The following WDR36 variants were observed in gnomAD, a reference collection of about 807,000 sequenced individuals.
WDR36 encodes the protein WD repeat domain 36.
In WDR36, 63 loss-of-function variants were observed where a neutral mutation model predicts 112.7. The ratio of observed to expected loss-of-function variants is 0.56; its 90% CI spans 0.46 to 0.69. The LOEUF is 0.69. Among genes scored for constraint, WDR36 ranks in the 30% least tolerant of loss-of-function variants. The pLI is 0.00. For synonymous variants in WDR36, 410 were observed against 362.2 expected (o/e 1.13, Z -1.50); for missense variants, 1,226 against 1,070.3 (o/e 1.15, Z -2.03).
intron 10 of WDR36, 52 bp downstream of exon 10, chr5:111,105,412 A>G (rs1753204587): frequency 1.3e-6 from 2 of 1,516,224 alleles, no homozygotes; most frequent in African/African-American, 1.4e-5. Context: ...ACATTTCAAC[A>G]TTCTATGAAA....
chr5:111,110,379 C>G, intron 13 of WDR36, 76 bp downstream of exon 13: 1 of 1,231,342 alleles, frequency 8.1e-7, no homozygotes, highest in Non-Finnish European at 1.2e-6. Flanking sequence ...TATGTATAAT[C>G]TTTAAGTGCT....
intron 2 of WDR36, chr5:111,095,264 A>T: frequency 3.6e-6 from 1 of 276,256 alleles, no homozygotes; most frequent in Non-Finnish European, 6.9e-6. Context: ...TTTCTTCAGG[A>T]TTAGATTTAG....
At chr5:111,120,676 T>C (rs764753167) in intron 18 of WDR36, 83 bp downstream of exon 18, 107 of 1,119,408 alleles carry the variant, frequency 9.6e-5, no homozygotes, top group Admixed American at 1.5e-4. Context: ...AGGCAAAGTT[T>C]AGTGCATTCA....
chr5:111,097,130 T>G lies in WDR36; in HGVS notation c.242T>G (p.Val81Gly), dbSNP rs1376955032. The change falls in exon 3 of 23, where the codon GTC becomes GGC. Residue 81 changes from valine (V) to glycine (G), a missense_variant. Physicochemically the swap from Val to Gly is moderately radical, Grantham distance 109 (BLOSUM62 -3). Coordinates refer to ENST00000513710, the MANE Select transcript of WDR36 (RefSeq NM_139281.3). ...ICCMAADGRL[V>G]FAAYGNVFSA... ...TGTATGGCAGCTGATGGCAGATTAG[T>G]CTTTGCTGCTTATGGAAATGTTTTC... 1 of 1,613,732 alleles carries G rather than the reference T, an allele frequency of 6.2e-7. No homozygotes were observed. The highest frequency in any genetic ancestry group is 1.3e-5 in the African/African-American group (1 of 74,928).
chr5:111,120,139 C>T (rs552213805), intron 17 of WDR36, among the ~76,000 whole-genome samples: 5 of 152,192 alleles, frequency 3.3e-5, no homozygotes, highest in East Asian at 3.9e-4. Context: ...TCAGCATATT[C>T]GCACTCTGAC....
chr5:111,112,029 G>A (rs1271700516), intron 15 of WDR36, among the ~76,000 whole-genome samples: 1 of 151,698 alleles, frequency 6.6e-6, no homozygotes, highest in East Asian at 1.9e-4. Flanking sequence ...CTTCAAAATT[G>A]AAGAAAAAAA....
intron 2 of WDR36, among the ~76,000 whole-genome samples, chr5:111,095,413 T>C (rs1414136125): frequency 6.6e-6 from 1 of 152,190 alleles, no homozygotes; most frequent in East Asian, 1.9e-4. Context: ...TAAGTATCTT[T>C]TGGTAGTATG....
Position 111,107,331 on chromosome 5 carries a change from T to G in WDR36, c.1218T>G (p.Ala406=), listed in dbSNP as rs775074297. ...ARESDWDGII[A]CHQGKLSCST... ...AAAGTGACTGGGATGGTATCATTGC[T>G]TGCCATCAAGGTAAGCTATCTTGCT... The change falls in exon 12 of 23, where the codon GCT becomes GCG. Residue 406 remains alanine, a synonymous_variant. Transcript: ENST00000513710. 1 of 1,610,552 alleles carries G rather than the reference T, an allele frequency of 6.2e-7. No individual in the cohort carries two copies. Among genetic ancestry groups the G allele is most frequent in the East Asian group, 2.2e-5 (1 of 44,744 alleles).
intron 13 of WDR36, 74 bp from the exon 14 acceptor site, chr5:111,110,714 A>G: frequency 1.4e-6 from 2 of 1,479,604 alleles, no homozygotes; most frequent in Non-Finnish European, 9.3e-7. Flanking sequence ...GAATGAAGGA[A>G]TCACTGTGTG....
At position 111,113,054 on chromosome 5, in the gene WDR36, T is replaced by TATATATATATATATATATATA. The variant is rs33919278; in HGVS notation, c.1717-20_1717-19insATATATATATATATATATATA. 2 of 251,220 alleles carry TATATATATATATATATATATA rather than the reference T, an allele frequency of 8.0e-6. No individual in the cohort carries two copies. The highest frequency in any genetic ancestry group is 4.3e-5 in the African/African-American group (1 of 23,080). 15.6% of individuals were successfully genotyped at this position (251,220 alleles called of 1,614,324 possible). ...ATAAATAATATATATATATATATAT[T>TATATATATATATATATATATA]TTTTTTTTTTAATTTAAAGGCTTTT... On this transcript the variant is annotated intron_variant, in intron 15 of 22. Transcript: ENST00000513710.
Position 111,092,430 on chromosome 5 carries a change from C to G in WDR36, c.-27C>G. The G allele has an allele frequency of 3.1e-6, 5 of 1,614,220 alleles. No individual in the cohort carries two copies. In the Middle Eastern group the frequency reaches 6.6e-4, roughly 213 times the overall value. ...TACGTGTTTTCCTTCAGGACCAGAGCTGAGAGGAGCTGGGATCGCGGCGGC... is the reference window on the plus strand; with the variant it reads ...TACGTGTTTTCCTTCAGGACCAGAGGTGAGAGGAGCTGGGATCGCGGCGGC... On this transcript the variant is annotated 5_prime_UTR_variant, in exon 1 of 23. Coordinates refer to ENST00000513710, the MANE Select transcript of WDR36 (RefSeq NM_139281.3).
chr5:111,113,278 C>G, intron 16 of WDR36, 125 bp downstream of exon 16: 1 of 486,518 alleles, frequency 2.1e-6, no homozygotes, highest in Non-Finnish European at 3.9e-6. Context: ...GGAGATTTTT[C>G]TGACATGACT....
At chr5:111,118,367 T>C (rs17132795) in intron 16 of WDR36, among the ~76,000 whole-genome samples, 5,668 of 152,268 alleles carry the variant, frequency 0.037, 343 homozygotes, top group African/African-American at 0.13. Context: ...CTGAGTCTTC[T>C]ACCTGGTTTG....
chr5:111,101,385 T>C (rs1209921883), intron 5 of WDR36, among the ~76,000 whole-genome samples: 1 of 151,948 alleles, frequency 6.6e-6, no homozygotes, highest in Non-Finnish European at 1.5e-5. Context: ...CTTCTGATTT[T>C]CCATACATGA....
In WDR36 at chr5:111,119,023, T is replaced by A; in HGVS notation, c.1807T>A (p.Cys603Ser). 1 of 1,613,236 alleles carries A rather than the reference T, an allele frequency of 6.2e-7. No individual in the cohort carries two copies. Among genetic ancestry groups the A allele is most frequent in the Non-Finnish European group, 8.5e-7 (1 of 1,179,266 alleles). ...WDLPSGCLIDCFLLDSAPLNV... is the reference protein window; with the variant it reads ...WDLPSGCLIDSFLLDSAPLNV... ...TAATTATTTCTGTAGCCTTATAGACTGCTTTTTGTTGGACTCGGCTCCTCT... is the reference window on the plus strand; with the variant it reads ...TAATTATTTCTGTAGCCTTATAGACAGCTTTTTGTTGGACTCGGCTCCTCT... Residue 603 changes from cysteine (C) to serine (S), a missense_variant, in exon 17 of 23, where the codon TGC becomes AGC. By Grantham distance (112) the Cys-to-Ser change is moderately radical (BLOSUM62 -1). Coordinates refer to ENST00000513710, the MANE Select transcript of WDR36 (RefSeq NM_139281.3).
intron 18 of WDR36, 33 bp downstream of exon 18, chr5:111,120,626 T>C (rs772235667): frequency 6.5e-7 from 1 of 1,540,828 alleles, no homozygotes; most frequent in East Asian, 2.3e-5. Flanking sequence ...ATTTTTGAGG[T>C]GTAATATTAT....
chr5:111,125,665 T>C lies in WDR36; in HGVS notation c.2408T>C (p.Leu803Pro), dbSNP rs764757036. Reference protein sequence around the residue: ...ESGPSGIETELRSLSPDCGGS... With the variant: ...ESGPSGIETEPRSLSPDCGGS... Reference sequence around the variant, plus strand: ...GGCCCATCAGGAATTGAAACAGAGCTGCGAAGCTTGTCTCCTGATTGTGGT... The same window carrying C: ...GGCCCATCAGGAATTGAAACAGAGCCGCGAAGCTTGTCTCCTGATTGTGGT... The change falls in exon 22 of 23, where the codon CTG (leucine) becomes CCG (proline). Residue 803 changes from leucine to proline, a missense_variant. Coordinates refer to ENST00000513710, the MANE Select transcript of WDR36 (RefSeq NM_139281.3). The C allele has an allele frequency of 1.2e-6, 2 of 1,613,910 alleles. No homozygotes were observed. Among genetic ancestry groups the C allele is most frequent in the South Asian group, 2.2e-5 (2 of 91,080 alleles).
In WDR36 at chr5:111,119,564, A is replaced by G. The variant is rs975503966; in HGVS notation, c.1904+444A>G. On this transcript the variant is annotated intron_variant, in intron 17 of 22. Transcript: ENST00000513710. The stretch of plus-strand genomic sequence containing the variant: ...TTTATTCTAGTTGCATGACTTTTAT[A>G]ACCGTGTAAAGATACTTCAAATTCT... Among the ~76,000 whole-genome samples the G allele has an allele frequency of 2.0e-5, 3 of 152,176 alleles. No homozygotes were observed. In the South Asian group the frequency reaches 6.2e-4, roughly 31 times the overall value.
chr5:111,103,228 A>G (rs893720294), intron 6 of WDR36, among the ~76,000 whole-genome samples: 2 of 151,806 alleles, frequency 1.3e-5, no homozygotes, highest in African/African-American at 4.8e-5. Context: ...GAAATTCATA[A>G]TAGAGCCTGT....
Sources: allele counts gnomAD v4.1 joint callset (sites outside exome capture counted in the v4.1 genomes callset), GRCh38; gene constraint gnomAD v4.1.1; transcripts MANE v1.5; gene names NCBI Gene and HGNC (gene_info 2026-07-23, HGNC 2026-07-21).